The following CNTNAP2 variants were observed in gnomAD, a reference collection of about 807,000 sequenced individuals.
CNTNAP2 encodes the protein contactin-associated protein-like 2.
CNTNAP2 carries 98 observed loss-of-function variants against 155.2 expected under a neutral mutation model. The ratio of observed to expected loss-of-function variants is 0.63; its 90% CI spans 0.54 to 0.75. The LOEUF is 0.75. Ranked by LOEUF, CNTNAP2 falls within the 30% of genes least tolerant of loss-of-function variation. The pLI is 0.00. For synonymous variants in CNTNAP2, 651 were observed against 631.2 expected (o/e 1.03, Z -0.47); for missense variants, 1,727 against 1,688.1 (o/e 1.02, Z -0.40).
chr7:147,203,792 A>T (rs1802967364), intron 8 of CNTNAP2, among the ~76,000 whole-genome samples: 1 of 152,214 alleles, frequency 6.6e-6, no homozygotes, highest in Admixed American at 6.5e-5. Context: ...TATACCTGAC[A>T]CTGATAGTTG....
rs371201024 is a variant in CNTNAP2, at chr7:146,918,320, C to T, written c.402+78416C>T. Among the ~76,000 whole-genome samples, 67 of 151,806 alleles carry T rather than the reference C, an allele frequency of 4.4e-4. 1 individual carries two copies. In the South Asian group the frequency reaches 7.3e-3, roughly 17 times the overall value. Reference sequence around the variant, plus strand: ...AAGGAGATTCTATTTTGGTGTGTTTCGAGGATTTTTTTCAAGATTTAGAGC... The same window carrying T: ...AAGGAGATTCTATTTTGGTGTGTTTTGAGGATTTTTTTCAAGATTTAGAGC... On this transcript the variant is annotated intron_variant, in intron 3 of 23. Transcript: ENST00000361727.
At chr7:147,421,854 A>ACT (rs1437898398) in intron 10 of CNTNAP2, among the ~76,000 whole-genome samples, 3 of 150,978 alleles carry the variant, frequency 2.0e-5, no homozygotes, top group African/African-American at 7.3e-5. Flanking sequence ...TGCCCCCTCA[A>ACT]CTCTCTCTCC....
intron 8 of CNTNAP2, among the ~76,000 whole-genome samples, chr7:147,172,488 CACTT>C (rs1014673432): frequency 2.6e-5 from 4 of 152,048 alleles, no homozygotes; most frequent in South Asian, 2.1e-4. Context: ...GCCATATACT[CACTT>C]ACCTTTTAAT....
At chr7:148,032,371 C>T (rs1020519033) in intron 15 of CNTNAP2, among the ~76,000 whole-genome samples, 1 of 152,160 alleles carries the variant, frequency 6.6e-6, no homozygotes, top group African/African-American at 2.4e-5. Flanking sequence ...CTTGACATCA[C>T]ATCAGTGTGT....
At chr7:148,086,450 T>C (rs1030447974) in intron 15 of CNTNAP2, among the ~76,000 whole-genome samples, 4 of 152,238 alleles carry the variant, frequency 2.6e-5, no homozygotes, top group East Asian at 1.9e-4. Context: ...AAGCATTTCA[T>C]TGAAATAAAA....
intron 1 of CNTNAP2, among the ~76,000 whole-genome samples, chr7:146,452,887 A>G (rs1639476): frequency 0.39 from 58,645 of 152,046 alleles, 13,225 homozygotes; most frequent in African/African-American, 0.63. Flanking sequence ...ATTTTGCAAG[A>G]CTCTGAACAT....
Position 146,537,348 on chromosome 7 carries a change from A to T in CNTNAP2, c.98-236923A>T, listed in dbSNP as rs1431086366. Among the ~76,000 whole-genome samples the T allele has an allele frequency of 3.3e-5, 5 of 152,238 alleles. No individual in the cohort carries two copies. In the East Asian group the frequency reaches 5.8e-4, roughly 18 times the overall value. On this transcript the variant is annotated intron_variant, in intron 1 of 23. Coordinates refer to ENST00000361727, the MANE Select transcript of CNTNAP2 (RefSeq NM_014141.6). ...ATTAATGCCTATTTTAAAACATTAAAATACCTACATTTTAATCTCCTAAAC... is the reference window on the plus strand; with the variant it reads ...ATTAATGCCTATTTTAAAACATTAATATACCTACATTTTAATCTCCTAAAC...
At chr7:146,944,562 G>A (rs1312756460) in intron 3 of CNTNAP2, among the ~76,000 whole-genome samples, 5 of 152,130 alleles carry the variant, frequency 3.3e-5, no homozygotes, top group African/African-American at 7.2e-5. Flanking sequence ...GATTATTAAT[G>A]TAGATATACA....
At chr7:148,276,181 G>A (rs184257913) in intron 21 of CNTNAP2, among the ~76,000 whole-genome samples, 2 of 152,282 alleles carry the variant, frequency 1.3e-5, no homozygotes, top group East Asian at 3.9e-4. Flanking sequence ...GGACTACGCA[G>A]TTGTATGATC....
intron 8 of CNTNAP2, among the ~76,000 whole-genome samples, chr7:147,138,344 T>C (rs1454584981): frequency 6.6e-6 from 1 of 151,962 alleles, no homozygotes; most frequent in Non-Finnish European, 1.5e-5. Flanking sequence ...TAGATCTAAA[T>C]AGACACATAG....
At chr7:147,634,348 A>G (rs1795141644) in intron 12 of CNTNAP2, among the ~76,000 whole-genome samples, 1 of 152,220 alleles carries the variant, frequency 6.6e-6, no homozygotes, top group Non-Finnish European at 1.5e-5. Context: ...AAAATAACTC[A>G]GCAATGGAAA....
At chr7:146,483,830 G>C (rs1358022115) in intron 1 of CNTNAP2, among the ~76,000 whole-genome samples, 1 of 152,090 alleles carries the variant, frequency 6.6e-6, no homozygotes. Flanking sequence ...AGTTCATAAA[G>C]TTACCGTAAG....
chr7:147,454,853 C>T (rs1797893647), intron 10 of CNTNAP2, among the ~76,000 whole-genome samples: 1 of 151,954 alleles, frequency 6.6e-6, no homozygotes, highest in Non-Finnish European at 1.5e-5. Context: ...AAAGAGATCC[C>T]GACGACCTTT....
chr7:147,866,106 G>A (rs978455633), intron 13 of CNTNAP2, among the ~76,000 whole-genome samples: 1 of 152,212 alleles, frequency 6.6e-6, no homozygotes, highest in Non-Finnish European at 1.5e-5. Context: ...GTGTCCCAGA[G>A]ATTCTGGTAC....
chr7:146,971,096 T>C (rs781576799), intron 3 of CNTNAP2, among the ~76,000 whole-genome samples: 1 of 151,984 alleles, frequency 6.6e-6, no homozygotes, highest in Admixed American at 6.6e-5. Context: ...TTAGGAGATA[T>C]ACCTAATGCT....
chr7:147,792,951 G>A (rs910717900), intron 13 of CNTNAP2, among the ~76,000 whole-genome samples: 5 of 152,054 alleles, frequency 3.3e-5, no homozygotes, highest in African/African-American at 1.2e-4. Flanking sequence ...GATGACTAAT[G>A]ATGGGCATCT....
chr7:146,224,359 T>C (rs1247312463), intron 1 of CNTNAP2, among the ~76,000 whole-genome samples: 1 of 151,844 alleles, frequency 6.6e-6, no homozygotes, highest in Non-Finnish European at 1.5e-5. Flanking sequence ...ATAGCGATTA[T>C]GACATGTTGT....
At chr7:147,669,497 A>G (rs1168323703) in intron 13 of CNTNAP2, among the ~76,000 whole-genome samples, 1 of 152,218 alleles carries the variant, frequency 6.6e-6, no homozygotes, top group Non-Finnish European at 1.5e-5. Flanking sequence ...CTGTTAGACA[A>G]TATTGTACCC....
intron 8 of CNTNAP2, among the ~76,000 whole-genome samples, chr7:147,227,396 G>T (rs960221839): frequency 6.6e-6 from 1 of 152,120 alleles, no homozygotes; most frequent in Non-Finnish European, 1.5e-5. Flanking sequence ...ATGAAGAAGT[G>T]AAATGATCTG....
Sources: allele counts gnomAD v4.1 joint callset (sites outside exome capture counted in the v4.1 genomes callset), GRCh38; gene constraint gnomAD v4.1.1; transcripts MANE v1.5; gene names NCBI Gene and HGNC (gene_info 2026-07-23, HGNC 2026-07-21).